SEL1L2: variants seen among roughly 807,000 people sequenced by gnomAD.
The protein encoded by SEL1L2 is protein sel-1 homolog 2.
In SEL1L2, 89 loss-of-function variants were observed where a neutral mutation model predicts 98.8. That is an observed-to-expected ratio of 0.90 (90% CI 0.76 to 1.07). SEL1L2 has a LOEUF of 1.07. Ranked by LOEUF, SEL1L2 falls within the 50% of genes least tolerant of loss-of-function variation. The probability of loss-of-function intolerance (pLI) is 0.00; values close to 1 mark genes in which losing one functional copy is unlikely to be tolerated. For synonymous variants in SEL1L2, 262 were observed against 278.5 expected, an observed-to-expected ratio of 0.94 and a Z score of 0.59; for missense variants, 788 against 812.0, an observed-to-expected ratio of 0.97 and a Z score of 0.36.
intron 1 of SEL1L2, among the ~76,000 whole-genome samples, chr20:13,969,284 C>T (rs1363444113): frequency 6.6e-6 from 1 of 152,196 alleles, no homozygotes; most frequent in Non-Finnish European, 1.5e-5. Context: ...CCCAAGTCAC[C>T]TTCCTTTCTC....
At chr20:13,944,700 T>G in intron 2 of SEL1L2, among the ~76,000 whole-genome samples, 1 of 152,322 alleles carries the variant, frequency 6.6e-6, no homozygotes, top group South Asian at 2.1e-4. Flanking sequence ...GGTAGGTTGA[T>G]AGAGTTGATG....
intron 5 of SEL1L2, among the ~76,000 whole-genome samples, chr20:13,911,286 A>G (rs1275280771): frequency 6.6e-6 from 1 of 152,238 alleles, no homozygotes; most frequent in African/African-American, 2.4e-5. Flanking sequence ...CATAGTAGCT[A>G]TCCAAGAAAC....
At chr20:13,966,879 C>CTTTTTTT (rs35292120) in intron 1 of SEL1L2, among the ~76,000 whole-genome samples, 23 of 104,142 alleles carry the variant, frequency 2.2e-4, no homozygotes, top group East Asian at 5.8e-4. Context: ...AGAGACCTGT[C>CTTTTTTT]TTTTTTTTTT....
At chr20:13,948,845 C>T (rs62207709) in intron 2 of SEL1L2, among the ~76,000 whole-genome samples, 9,762 of 152,168 alleles carry the variant, frequency 0.064, 354 homozygotes, top group Non-Finnish European at 0.073. Context: ...GTCTCAAATC[C>T]GTCTCCCTGA....
At chr20:13,978,779 AGG>A (rs2051669052) in intron 1 of SEL1L2, among the ~76,000 whole-genome samples, 1 of 152,210 alleles carries the variant, frequency 6.6e-6, no homozygotes, top group Non-Finnish European at 1.5e-5. Context: ...TGAAATCACC[AGG>A]TGCGGTGGCT....
intron 1 of SEL1L2, among the ~76,000 whole-genome samples, chr20:13,968,701 G>A (rs2051155179): frequency 6.6e-6 from 1 of 152,136 alleles, no homozygotes; most frequent in African/African-American, 2.4e-5. Context: ...TAGAATAACT[G>A]GGATATAACA....
chr20:13,933,105 G>T (rs373533771), intron 2 of SEL1L2, among the ~76,000 whole-genome samples: 6 of 152,088 alleles, frequency 3.9e-5, no homozygotes, highest in African/African-American at 1.4e-4. Flanking sequence ...CGCTACTTGG[G>T]AGGTGAGGCA....
At chr20:13,896,437 T>C (rs2047427511) in intron 5 of SEL1L2, among the ~76,000 whole-genome samples, 1 of 151,696 alleles carries the variant, frequency 6.6e-6, no homozygotes, top group Admixed American at 6.6e-5. Flanking sequence ...TCCATTGCAC[T>C]CCAGCCTGGG....
At chr20:13,962,847 C>T (rs1042024320) in intron 1 of SEL1L2, among the ~76,000 whole-genome samples, 2 of 152,084 alleles carry the variant, frequency 1.3e-5, no homozygotes, top group Admixed American at 6.6e-5. Context: ...AGGCAGATCA[C>T]AAGGTCAGAA....
At chr20:13,942,102 C>T (rs548619335) in intron 2 of SEL1L2, among the ~76,000 whole-genome samples, 13 of 152,256 alleles carry the variant, frequency 8.5e-5, no homozygotes, top group African/African-American at 3.1e-4. Context: ...ATAAAAGTAG[C>T]AAACCAAGAC....
intron 8 of SEL1L2, 25 bp downstream of exon 8, chr20:13,887,744 A>T: frequency 6.9e-7 from 1 of 1,452,502 alleles, no homozygotes; most frequent in Non-Finnish European, 9.6e-7. Flanking sequence ...TGTTTATTTT[A>T]AAATAAATTA....
chr20:13,919,813 C>T (rs1215412409), intron 3 of SEL1L2, among the ~76,000 whole-genome samples: 2 of 151,812 alleles, frequency 1.3e-5, no homozygotes, highest in African/African-American at 4.8e-5. Flanking sequence ...GTAATCCCAG[C>T]TACTCAGGAG....
At chr20:13,943,014 G>T (rs991784988) in intron 2 of SEL1L2, among the ~76,000 whole-genome samples, 2 of 151,730 alleles carry the variant, frequency 1.3e-5, no homozygotes, top group Non-Finnish European at 2.9e-5. Context: ...AAGCAAATAT[G>T]TTAGATGTAA....
chr20:13,901,880 C>T (rs6105187), intron 5 of SEL1L2, among the ~76,000 whole-genome samples: 47,296 of 151,798 alleles, frequency 0.31, 7,768 homozygotes, highest in Middle Eastern at 0.44. Flanking sequence ...CCAGGCTGGT[C>T]TCAAACTCCT....
chr20:13,896,299 G>A (rs886851247), intron 5 of SEL1L2, among the ~76,000 whole-genome samples: 12 of 152,140 alleles, frequency 7.9e-5, no homozygotes, highest in African/African-American at 1.7e-4. Context: ...GTGAAACCCC[G>A]TCTCTATTAA....
chr20:13,963,112 C>G (rs1479985428), intron 1 of SEL1L2, among the ~76,000 whole-genome samples: 1 of 145,548 alleles, frequency 6.9e-6, no homozygotes, highest in Non-Finnish European at 1.5e-5. Context: ...TAAAAAAAAA[C>G]TCTCTATTAT....
rs772670039 is a variant in SEL1L2 at position 13,929,851 on chromosome 20, C to A, written c.283+1752G>T. Among the ~76,000 whole-genome samples, 189 of 151,856 alleles carry A rather than the reference C, an allele frequency of 1.2e-3. 1 individual carries two copies. Among genetic ancestry groups the A allele is most frequent in the Middle Eastern group, 6.8e-3 (2 of 292 alleles). Reference sequence around the variant, plus strand: ...TGTCGCCCAGGCTGGAGTGCAGTGGCGCAATCTCAGCTCACTGCAGCCTCC... The same window carrying A: ...TGTCGCCCAGGCTGGAGTGCAGTGGAGCAATCTCAGCTCACTGCAGCCTCC... On this transcript the variant is annotated intron_variant, in intron 3 of 19. Coordinates refer to ENST00000284951, the MANE Select transcript of SEL1L2 (RefSeq NM_025229.2).
intron 5 of SEL1L2, among the ~76,000 whole-genome samples, chr20:13,910,981 GGGA>G (rs1175945234): frequency 1.3e-5 from 2 of 152,194 alleles, no homozygotes; most frequent in Non-Finnish European, 2.9e-5. Flanking sequence ...CTTCTTTACT[GGGA>G]GTCATATTTT....
At chr20:13,961,539 T>G (rs560841809) in intron 1 of SEL1L2, among the ~76,000 whole-genome samples, 34 of 152,282 alleles carry the variant, frequency 2.2e-4, no homozygotes, top group African/African-American at 7.9e-4. Context: ...TTAAAAGTGT[T>G]GTGTTGAACA....
Sources: allele counts gnomAD v4.1 joint callset (sites outside exome capture counted in the v4.1 genomes callset), GRCh38; gene constraint gnomAD v4.1.1; transcripts MANE v1.5; gene names NCBI Gene and HGNC (gene_info 2026-07-23, HGNC 2026-07-21).